PLXNA4: variants seen among roughly 807,000 people sequenced by gnomAD.
The protein encoded by PLXNA4 is plexin-A4.
A neutral mutation model predicts 191.8 loss-of-function variants in PLXNA4; 44 were observed. The ratio of observed to expected loss-of-function variants is 0.23; its 90% confidence interval spans 0.18 to 0.29. The LOEUF (loss-of-function observed/expected upper bound fraction) is 0.29, where lower values mean the gene tolerates loss of function less well. Among genes scored for constraint, PLXNA4 ranks in the 10% least tolerant of loss-of-function variants. The pLI, the probability that PLXNA4 is intolerant of heterozygous loss-of-function variation, is 1.00. For missense variants in PLXNA4, 1,800 were observed against 2,488.8 expected, an observed-to-expected ratio of 0.72 and a Z score of 5.89; for synonymous variants, 1,082 against 1,009.5, an observed-to-expected ratio of 1.07 and a Z score of -1.36.
At chr7:132,315,884 G>A (rs143495107) in intron 3 of PLXNA4, among the ~76,000 whole-genome samples, 2,471 of 152,282 alleles carry the variant, frequency 0.016, 29 homozygotes, top group Middle Eastern at 0.034. Context: ...CTGTGGTCAG[G>A]GCATATGACT....
chr7:132,365,350 T>TGCGCGC (rs1459547865), intron 3 of PLXNA4, among the ~76,000 whole-genome samples: 23 of 101,948 alleles, frequency 2.3e-4, no homozygotes, highest in Admixed American at 8.2e-4. Flanking sequence ...TGTGTGTGTG[T>TGCGCGC]GTGTGTGTGT....
At chr7:132,485,687 T>G (rs1192704419) in intron 3 of PLXNA4, among the ~76,000 whole-genome samples, 1 of 152,180 alleles carries the variant, frequency 6.6e-6, no homozygotes, top group African/African-American at 2.4e-5. Context: ...ATTGCTAAGT[T>G]CCTAGACACC....
chr7:132,282,999 C>T (rs954013749), intron 4 of PLXNA4, among the ~76,000 whole-genome samples: 1 of 152,090 alleles, frequency 6.6e-6, no homozygotes, highest in Non-Finnish European at 1.5e-5. Context: ...ACCTCAGCCC[C>T]CCCCAAGTAA....
chr7:132,232,501 C>A (rs1210284562), intron 5 of PLXNA4, among the ~76,000 whole-genome samples: 1 of 152,168 alleles, frequency 6.6e-6, no homozygotes, highest in Non-Finnish European at 1.5e-5. Context: ...TCCCTGCTAA[C>A]CTCTTCTGAC....
chr7:132,156,010 C>T (rs1175783388), intron 25 of PLXNA4, among the ~76,000 whole-genome samples: 1 of 152,056 alleles, frequency 6.6e-6, no homozygotes, highest in African/African-American at 2.4e-5. Flanking sequence ...ACTTGAACTG[C>T]AATGTTGCCT....
At chr7:132,456,909 T>C (rs1444868666) in intron 3 of PLXNA4, among the ~76,000 whole-genome samples, 1 of 152,216 alleles carries the variant, frequency 6.6e-6, no homozygotes, top group African/African-American at 2.4e-5. Flanking sequence ...TACACTTTAA[T>C]GGTTCTGTAT....
chr7:132,510,454 C>T (rs1798667271), intron 1 of PLXNA4, among the ~76,000 whole-genome samples: 1 of 126,314 alleles, frequency 7.9e-6, no homozygotes, highest in Non-Finnish European at 1.9e-5. Flanking sequence ...GGCCTTCATT[C>T]ATTCACCCAT....
intron 4 of PLXNA4, among the ~76,000 whole-genome samples, chr7:132,261,136 C>A (rs1799626608): frequency 6.6e-6 from 1 of 152,204 alleles, no homozygotes; most frequent in African/African-American, 2.4e-5. Context: ...CTTCCTTGCT[C>A]TCACACGGCC....
At chr7:132,290,492 T>C (rs1037432139) in intron 4 of PLXNA4, among the ~76,000 whole-genome samples, 2 of 152,214 alleles carry the variant, frequency 1.3e-5, no homozygotes, top group East Asian at 1.9e-4. Flanking sequence ...CTCCTTCCCA[T>C]TGGCTTGGCA....
At chr7:132,445,104 G>A (rs10954374) in intron 3 of PLXNA4, among the ~76,000 whole-genome samples, 100,652 of 142,706 alleles carry the variant, frequency 0.71, 40,524 homozygotes, top group Non-Finnish European at 0.89. Flanking sequence ...GCAGTGAGCC[G>A]AGATTGCACC....
At chr7:132,612,385 G>A (rs968335198) in intron 2 of PLXNA4, among the ~76,000 whole-genome samples, 1 of 152,158 alleles carries the variant, frequency 6.6e-6, no homozygotes, top group Non-Finnish European at 1.5e-5. Context: ...TCCTGGCCAG[G>A]CGCGGTGGCT....
At chr7:132,647,531 A>G (rs899547546) in intron 1 of PLXNA4, among the ~76,000 whole-genome samples, 9 of 152,188 alleles carry the variant, frequency 5.9e-5, no homozygotes, top group East Asian at 1.9e-4. Context: ...ATGCTATCAT[A>G]TACACACGTA....
chr7:132,438,724 T>A (rs189525321), intron 3 of PLXNA4, among the ~76,000 whole-genome samples: 2,107 of 152,348 alleles, frequency 0.014, 185 homozygotes, highest in Admixed American at 0.13. Context: ...CAATAGCTGT[T>A]TTTAAAAATT....
intron 1 of PLXNA4, among the ~76,000 whole-genome samples, chr7:132,544,937 C>T (rs1800231381): frequency 6.6e-6 from 1 of 152,240 alleles, no homozygotes; most frequent in Non-Finnish European, 1.5e-5. Flanking sequence ...TTGATCTGAA[C>T]TGGACCTGTG....
chr7:132,452,301 G>T (rs987278178), intron 3 of PLXNA4, among the ~76,000 whole-genome samples: 8 of 152,206 alleles, frequency 5.3e-5, no homozygotes, highest in African/African-American at 1.7e-4. Flanking sequence ...GCAATAAAAG[G>T]CCAGGCTTCT....
At chr7:132,485,122 T>C in intron 3 of PLXNA4, 1 of 1,463,842 alleles carries the variant, frequency 6.8e-7, no homozygotes, top group Non-Finnish European at 9.2e-7. Flanking sequence ...TTGTACTATA[T>C]ACTCCTATTG....
chr7:132,627,095 T>C (rs2116874048), intron 2 of PLXNA4, among the ~76,000 whole-genome samples: 1 of 152,350 alleles, frequency 6.6e-6, no homozygotes, highest in East Asian at 1.9e-4. Context: ...ATCTCTGTAG[T>C]TTAACTTTTA....
chr7:132,296,724 C>A lies in PLXNA4; in HGVS notation c.1503+1367G>T, dbSNP rs146838166. ...TCATGCCACCAAGGAAAGCTGCTTC[C>A]CCTCAGCTCCTAGGGCCTCAGAGGT... On this transcript the variant is annotated intron_variant, in intron 4 of 31. Coordinates refer to ENST00000321063, the MANE Select transcript of PLXNA4 (RefSeq NM_020911.2). Among the ~76,000 whole-genome samples, 138 of 152,296 alleles carry A rather than the reference C, an allele frequency of 9.1e-4. No homozygotes were observed. In the East Asian group the frequency reaches 0.024, roughly 26 times the overall value.
At chr7:132,424,208 G>A (rs1794952187) in intron 3 of PLXNA4, among the ~76,000 whole-genome samples, 2 of 152,156 alleles carry the variant, frequency 1.3e-5, no homozygotes, top group Admixed American at 1.3e-4. Flanking sequence ...CCCATGTCTT[G>A]GAAACGCAGG....
Sources: allele counts gnomAD v4.1 joint callset (sites outside exome capture counted in the v4.1 genomes callset), GRCh38; gene constraint gnomAD v4.1.1; transcripts MANE v1.5; gene names NCBI Gene and HGNC (gene_info 2026-07-23, HGNC 2026-07-21).